RAPGEF6: variants seen among roughly 807,000 people sequenced by gnomAD.
RAPGEF6 encodes Rap guanine nucleotide exchange factor 6, also known as PDZ domain containing guanine nucleotide exchange factor (GEF) 2.
In RAPGEF6, 56 loss-of-function variants were observed where a neutral mutation model predicts 171.4. The observed-to-expected ratio is 0.33, with a 90% CI of 0.26 to 0.41. RAPGEF6 has a LOEUF of 0.41. Ranked by LOEUF, RAPGEF6 falls within the 10% of genes least tolerant of loss-of-function variation. RAPGEF6 has a pLI of 1.00. For synonymous variants in RAPGEF6, 692 were observed against 650.1 expected, an observed-to-expected ratio of 1.06 and a Z score of -0.98; for missense variants, 1,674 against 1,921.4, an observed-to-expected ratio of 0.87 and a Z score of 2.41.
chr5:131,594,669 T>C (rs934601994), intron 3 of RAPGEF6, among the ~76,000 whole-genome samples: 1 of 152,134 alleles, frequency 6.6e-6, no homozygotes, highest in South Asian at 2.1e-4. Context: ...ACAGGGGCTG[T>C]ACCCTGCAGA....
At chr5:131,618,854 T>A (rs926830974) in intron 1 of RAPGEF6, among the ~76,000 whole-genome samples, 1 of 151,956 alleles carries the variant, frequency 6.6e-6, no homozygotes, top group Admixed American at 6.6e-5. Flanking sequence ...GTATGCCCAA[T>A]AATGGAAAGA....
At chr5:131,436,329 G>A (rs765760637) in intron 24 of RAPGEF6, 69 of 1,537,514 alleles carry the variant, frequency 4.5e-5, no homozygotes, top group Non-Finnish European at 5.5e-5. Flanking sequence ...CACCTATTCC[G>A]GGGCAGCTCT....
chr5:131,611,966 C>T (rs1352297465), intron 1 of RAPGEF6, among the ~76,000 whole-genome samples: 8 of 152,056 alleles, frequency 5.3e-5, no homozygotes, highest in African/African-American at 1.7e-4. Flanking sequence ...TACAATGGTT[C>T]GACAAGATTT....
intron 15 of RAPGEF6, among the ~76,000 whole-genome samples, chr5:131,482,271 T>G (rs531191936): frequency 3.1e-5 from 2 of 64,136 alleles, no homozygotes; most frequent in African/African-American, 1.3e-4. Context: ...CACACACGTG[T>G]GTGTATGTGT....
intron 1 of RAPGEF6, among the ~76,000 whole-genome samples, chr5:131,611,731 A>T (rs1764945330): frequency 6.6e-6 from 1 of 152,204 alleles, no homozygotes; most frequent in South Asian, 2.1e-4. Context: ...TACATAAATC[A>T]ATTGATTCTA....
intron 3 of RAPGEF6, among the ~76,000 whole-genome samples, chr5:131,599,628 A>C (rs1279512314): frequency 6.6e-6 from 1 of 152,198 alleles, no homozygotes; most frequent in Non-Finnish European, 1.5e-5. Flanking sequence ...CCATAGGGAT[A>C]CCTAATGAAT....
At chr5:131,532,039 A>G (rs993508108) in intron 6 of RAPGEF6, 1 of 395,884 alleles carries the variant, frequency 2.5e-6, no homozygotes, top group Admixed American at 3.6e-5. Flanking sequence ...GCTCATTTAC[A>G]GTTCAAAATA....
chr5:131,583,953 C>T (rs13355352), intron 4 of RAPGEF6, among the ~76,000 whole-genome samples: 1,723 of 152,240 alleles, frequency 0.011, 20 homozygotes, highest in Middle Eastern at 0.071. Context: ...CTGTATGTTT[C>T]ACCTTACACA....
intron 14 of RAPGEF6, among the ~76,000 whole-genome samples, chr5:131,491,275 G>A (rs1756264003): frequency 6.6e-6 from 1 of 152,096 alleles, no homozygotes; most frequent in African/African-American, 2.4e-5. Flanking sequence ...TAATCCCCAA[G>A]TCATAATAAT....
intron 16 of RAPGEF6, among the ~76,000 whole-genome samples, chr5:131,476,203 T>C (rs554528355): frequency 1.8e-4 from 27 of 152,324 alleles, no homozygotes; most frequent in South Asian, 1.2e-3. Flanking sequence ...ACTTTTAGTG[T>C]AGATAAAACA....
At chr5:131,458,328 ACTCT>A (rs1389930309) in intron 19 of RAPGEF6, among the ~76,000 whole-genome samples, 1 of 148,158 alleles carries the variant, frequency 6.7e-6, no homozygotes, top group Non-Finnish European at 1.5e-5. Flanking sequence ...TTCCCCCCTC[ACTCT>A]CTCTCTCTCT....
At chr5:131,595,496 A>C (rs1159035770) in intron 3 of RAPGEF6, among the ~76,000 whole-genome samples, 2 of 152,242 alleles carry the variant, frequency 1.3e-5, no homozygotes, top group Non-Finnish European at 2.9e-5. Flanking sequence ...TTAATTTGCT[A>C]TCAGCTTAAA....
At chr5:131,547,481 A>G (rs1416952957) in intron 6 of RAPGEF6, among the ~76,000 whole-genome samples, 1 of 150,740 alleles carries the variant, frequency 6.6e-6, no homozygotes, top group African/African-American at 2.4e-5. Context: ...GCTATTCACA[A>G]TTAAAGACTT....
At position 131,444,778 on chromosome 5, in the gene RAPGEF6, C is replaced by T. The variant is rs536545646; in HGVS notation, c.3421+1705G>A. ...GTGTATATAAACTGTGTTTCATAAC[C>T]ATAAGATGATTAAGTCTACATCAAA... On this transcript the variant is annotated intron_variant, in intron 22 of 27. Transcript: ENST00000509018. Among the ~76,000 whole-genome samples the T allele has an allele frequency of 3.3e-5, 5 of 152,086 alleles. No individual in the cohort carries two copies. The South Asian group carries it at 1.0e-3, about 32-fold the overall frequency.
At chr5:131,463,684 C>A in intron 18 of RAPGEF6, 1 of 894,728 alleles carries the variant, frequency 1.1e-6, no homozygotes, top group African/African-American at 1.8e-5. Context: ...AATTTTCCTG[C>A]ATATTCATTA....
intron 5 of RAPGEF6, among the ~76,000 whole-genome samples, chr5:131,559,663 CAAT>C (rs895854685): frequency 6.0e-5 from 4 of 66,722 alleles, no homozygotes; most frequent in African/African-American, 2.5e-4. Flanking sequence ...TCTACAAAAA[CAAT>C]AACAACAACA....
chr5:131,618,828 C>A (rs971850115), intron 1 of RAPGEF6, among the ~76,000 whole-genome samples: 1 of 151,954 alleles, frequency 6.6e-6, no homozygotes, highest in African/African-American at 2.4e-5. Flanking sequence ...AAAAGAGATG[C>A]AGATGATCCT....
At chr5:131,529,665 C>A (rs1759234236) in intron 6 of RAPGEF6, among the ~76,000 whole-genome samples, 1 of 152,028 alleles carries the variant, frequency 6.6e-6, no homozygotes. Context: ...AATCCCAGCA[C>A]TTTGGGAGGC....
intron 16 of RAPGEF6, among the ~76,000 whole-genome samples, chr5:131,476,381 T>C (rs932859424): frequency 6.6e-6 from 1 of 151,842 alleles, no homozygotes; most frequent in Non-Finnish European, 1.5e-5. Context: ...AGGTCAGGAG[T>C]TCCAAGTCAG....
Sources: gnomAD v4.1 joint callset for allele counts (sites outside exome capture counted in the v4.1 genomes callset) on GRCh38, gnomAD v4.1.1 for gene constraint, MANE v1.5 for transcripts, NCBI Gene and HGNC (gene_info 2026-07-23, HGNC 2026-07-21) for gene names.